The following NRG3 variants were observed in gnomAD, a reference collection of about 807,000 sequenced individuals.
NRG3 encodes pro-neuregulin-3, membrane-bound isoform.
A neutral mutation model predicts 66.9 loss-of-function variants in NRG3; 31 were observed. That is an observed-to-expected ratio of 0.46 (90% CI 0.35 to 0.63). NRG3 has a LOEUF of 0.63. Among genes scored for constraint, NRG3 ranks in the 20% least tolerant of loss-of-function variants. The probability of loss-of-function intolerance (pLI) is 0.00; values close to 1 mark genes in which losing one functional copy is unlikely to be tolerated. For synonymous variants in NRG3, 393 were observed against 359.4 expected, an observed-to-expected ratio of 1.09 and a Z score of -1.06; for missense variants, 910 against 878.9, an observed-to-expected ratio of 1.04 and a Z score of -0.45.
At chr10:82,025,582 AT>A (rs1348377839) in intron 1 of NRG3, among the ~76,000 whole-genome samples, 17 of 152,112 alleles carry the variant, frequency 1.1e-4, no homozygotes, top group African/African-American at 4.1e-4. Flanking sequence ...GGAAGTTTGT[AT>A]TTTCCATTTG....
chr10:82,800,026 T>A (rs138785603), intron 3 of NRG3, among the ~76,000 whole-genome samples: 10 of 152,172 alleles, frequency 6.6e-5, no homozygotes, highest in African/African-American at 2.4e-4. Flanking sequence ...TCTGGATAGG[T>A]CCCTTGACTT....
chr10:82,085,335 A>G (rs1206231226), intron 1 of NRG3, among the ~76,000 whole-genome samples: 1 of 152,190 alleles, frequency 6.6e-6, no homozygotes, highest in East Asian at 1.9e-4. Context: ...TCAGCTGACC[A>G]TATAGGATAA....
intron 2 of NRG3, among the ~76,000 whole-genome samples, chr10:82,551,936 A>G (rs2044336426): frequency 6.6e-6 from 1 of 151,388 alleles, no homozygotes; most frequent in Admixed American, 6.6e-5. Context: ...TTCATCCACC[A>G]TTCTCTTCTT....
At chr10:82,877,397 GAGGCAGAA>G (rs1554832932) in intron 4 of NRG3, among the ~76,000 whole-genome samples, 3 of 42,810 alleles carry the variant, frequency 7.0e-5, no homozygotes, top group Non-Finnish European at 1.5e-4. Context: ...TTTTTTTTTT[GAGGCAGAA>G]TTTCTCTCTT....
chr10:82,255,274 A>C (rs563131969), intron 1 of NRG3, among the ~76,000 whole-genome samples: 1 of 152,180 alleles, frequency 6.6e-6, no homozygotes, highest in Non-Finnish European at 1.5e-5. Context: ...ACAGACAAGC[A>C]AAATCTGAGA....
chr10:82,562,972 G>C (rs1233157620), intron 2 of NRG3, among the ~76,000 whole-genome samples: 4 of 152,066 alleles, frequency 2.6e-5, no homozygotes, highest in Admixed American at 1.3e-4. Context: ...TCAGCCTTCT[G>C]ATATTTGCAC....
chr10:82,541,412 CTG>C (rs1353797398), intron 2 of NRG3, among the ~76,000 whole-genome samples: 2 of 152,056 alleles, frequency 1.3e-5, no homozygotes, highest in African/African-American at 2.4e-5. Context: ...TCTCCAAAAA[CTG>C]AGCTCCCCGA....
intron 1 of NRG3, among the ~76,000 whole-genome samples, chr10:82,236,710 CT>C (rs370359467): frequency 0.1 from 9,493 of 92,960 alleles, 121 homozygotes; most frequent in East Asian, 0.19. Flanking sequence ...AAAACTAGAA[CT>C]TTTTTTTTTT....
intron 2 of NRG3, among the ~76,000 whole-genome samples, chr10:82,622,375 C>G (rs1376719462): frequency 6.6e-6 from 1 of 151,956 alleles, no homozygotes; most frequent in African/African-American, 2.4e-5. Context: ...GATAATATAT[C>G]AAAGAAGTTA....
At chr10:82,783,775 A>G (rs2060221722) in intron 3 of NRG3, among the ~76,000 whole-genome samples, 1 of 152,198 alleles carries the variant, frequency 6.6e-6, no homozygotes, top group Non-Finnish European at 1.5e-5. Flanking sequence ...GAAAATGGCC[A>G]TACTGCCCAA....
At chr10:82,138,354 A>G (rs2069517094) in intron 1 of NRG3, among the ~76,000 whole-genome samples, 1 of 152,188 alleles carries the variant, frequency 6.6e-6, no homozygotes, top group African/African-American at 2.4e-5. Context: ...TAACTTAAAT[A>G]CCTAATTTCC....
intron 3 of NRG3, among the ~76,000 whole-genome samples, chr10:82,760,629 A>G (rs1457266434): frequency 6.6e-6 from 1 of 152,068 alleles, no homozygotes; most frequent in Non-Finnish European, 1.5e-5. Context: ...AATGAAATAA[A>G]ACTATATTAT....
Position 82,914,769 on chromosome 10 carries a change from AC to A in NRG3, c.1055-36696del, listed in dbSNP as rs1370984516. Among the ~76,000 whole-genome samples, 14 of 143,188 alleles carry A rather than the reference AC, an allele frequency of 9.8e-5. No homozygotes were observed. The East Asian group carries it at 3.0e-3, about 30-fold the overall frequency. The allele number at this position is 143,188 out of a possible 152,430, so 93.9% of individuals were successfully genotyped here. ...TTTAGCTTTTTTTTTTTTTCCCCAC[AC>A]CCCTCCCCTTACATGAGACAAGCTA... On this transcript the variant is annotated intron_variant, in intron 4 of 8. Transcript: ENST00000372141.
At chr10:81,883,748 T>A (rs7093817) in intron 1 of NRG3, among the ~76,000 whole-genome samples, 38 of 152,170 alleles carry the variant, frequency 2.5e-4, no homozygotes, top group African/African-American at 8.9e-4. Context: ...CTGGCATGAT[T>A]TCCTGTGAAT....
intron 3 of NRG3, among the ~76,000 whole-genome samples, chr10:82,761,934 T>TTCTTTC (rs2059329270): frequency 7.8e-6 from 1 of 128,016 alleles, no homozygotes; most frequent in Non-Finnish European, 1.7e-5. Context: ...CTTTCTTTCT[T>TTCTTTC]TCTTTCTTTC....
intron 2 of NRG3, among the ~76,000 whole-genome samples, chr10:82,655,265 T>G (rs918404507): frequency 4.0e-5 from 6 of 151,878 alleles, no homozygotes; most frequent in Non-Finnish European, 8.8e-5. Flanking sequence ...AAAAATGGCA[T>G]TAAAAAACAA....
At chr10:82,738,742 A>G in intron 3 of NRG3, 92 bp downstream of exon 3, 1 of 1,128,360 alleles carries the variant, frequency 8.9e-7, no homozygotes, top group Non-Finnish European at 1.3e-6. Context: ...GCTATATTTC[A>G]GTCTTGTGTC....
chr10:82,939,304 T>C (rs1592027868), intron 4 of NRG3, among the ~76,000 whole-genome samples: 1 of 152,328 alleles, frequency 6.6e-6, no homozygotes, highest in Middle Eastern at 3.4e-3. Context: ...TTTATGAATT[T>C]AAACTGTTAT....
At chr10:82,048,904 A>G (rs2063448497) in intron 1 of NRG3, among the ~76,000 whole-genome samples, 1 of 152,240 alleles carries the variant, frequency 6.6e-6, no homozygotes, top group East Asian at 1.9e-4. Flanking sequence ...GCAATAAAAA[A>G]TGATAAAGGG....
Sources: allele counts gnomAD v4.1 joint callset (sites outside exome capture counted in the v4.1 genomes callset), GRCh38; gene constraint gnomAD v4.1.1; transcripts MANE v1.5; gene names NCBI Gene and HGNC (gene_info 2026-07-23, HGNC 2026-07-21).